DMD: variants seen among roughly 807,000 people sequenced by gnomAD.
The protein encoded by DMD is mutant dystrophin.
Under a neutral mutation model 330.1 loss-of-function variants are expected in DMD, and 63 were observed. The ratio of observed to expected loss-of-function variants is 0.19; its 90% confidence interval spans 0.16 to 0.24. The LOEUF (loss-of-function observed/expected upper bound fraction) is 0.24, where lower values mean the gene tolerates loss of function less well. DMD is among the 10% of genes least tolerant of loss of function. The pLI is 1.00. For missense variants in DMD, 3,344 were observed against 2,684.1 expected (o/e 1.25, Z -5.43); for synonymous variants, 1,223 against 959.8 (o/e 1.27, Z -5.07).
At chrX:32,573,361 GT>G (rs1431514139) in intron 15 of DMD, among the ~76,000 whole-genome samples, 168 bp downstream of exon 15, 1 of 111,466 alleles carries the variant, frequency 9.0e-6, no homozygotes, top group African/African-American at 3.3e-5. Context: ...TCCACCTATA[GT>G]TTTTTCCCAC....
At chrX:32,739,036 A>C (rs111428356) in intron 7 of DMD, among the ~76,000 whole-genome samples, 16,316 of 111,529 alleles carry the variant, frequency 0.15, 1,227 homozygotes, top group African/African-American at 0.28. Context: ...TAATGGTTAT[A>C]ATGGCTCAAA....
rs747495332 is a variant in DMD at position 31,715,252 on chromosome X, G to T, written c.7660+14379C>A. Among the ~76,000 whole-genome samples the T allele has an allele frequency of 4.9e-5, 5 of 101,154 alleles. No homozygotes were observed. In the South Asian group the frequency reaches 2.1e-3, roughly 43 times the overall value. 87.8% of individuals were successfully genotyped at this position (101,154 alleles called of 115,157 possible). On this transcript the variant is annotated intron_variant, in intron 52 of 78. Coordinates refer to ENST00000357033, the MANE Select transcript of DMD (RefSeq NM_004006.3). ...GGAGCTGCGAAACTGAACTTCTTAA[G>T]ATTAAGAGCTGGCCGGGCGCGGTGG... is the stretch of plus-strand genomic sequence containing the variant.
intron 17 of DMD, among the ~76,000 whole-genome samples, chrX:32,532,851 C>A (rs1039818485): frequency 3.6e-5 from 4 of 111,523 alleles, no homozygotes; most frequent in Non-Finnish European, 7.5e-5. Context: ...AACATATAAA[C>A]AAAAATCAAC....
intron 11 of DMD, among the ~76,000 whole-genome samples, chrX:32,628,500 G>A (rs183293819): frequency 2.8e-4 from 30 of 107,107 alleles, no homozygotes; most frequent in African/African-American, 9.5e-4. Context: ...GTATCATTTT[G>A]TTGTACTTTA....
chrX:31,382,299 A>C (rs988859592), intron 60 of DMD, among the ~76,000 whole-genome samples: 2 of 111,545 alleles, frequency 1.8e-5, no homozygotes, highest in Non-Finnish European at 3.8e-5. Context: ...CCTTTTTATT[A>C]GGCCCCAGTC....
At chrX:32,919,518 A>T (rs1487546930) in intron 2 of DMD, among the ~76,000 whole-genome samples, 1 of 111,838 alleles carries the variant, frequency 8.9e-6, no homozygotes, top group Non-Finnish European at 1.9e-5. Context: ...TAGCTCTTTT[A>T]TTTTTTATGT....
At position 32,468,570 on chromosome X, in the gene DMD, C is replaced by T. The variant is rs1482762343; in HGVS notation, c.3090G>A (p.Lys1030=). 1 of 1,209,025 alleles carries T rather than the reference C, an allele frequency of 8.3e-7. No homozygotes were observed. Residue 1030 remains lysine, a synonymous_variant, in exon 23 of 79, where the codon AAG becomes AAA. Coordinates refer to ENST00000357033, the MANE Select transcript of DMD (RefSeq NM_004006.3). ...SEFEEIEGRW[K]KLSSQLVEHC... ...GCTCAACCAGCTGGGAGGAGAGCTT[C>T]TTCCAGCGTCCCTCAATTTCTTCAA...
At chrX:31,276,267 C>G (rs747723710) in intron 62 of DMD, among the ~76,000 whole-genome samples, 2 of 111,539 alleles carry the variant, frequency 1.8e-5, no homozygotes, top group Non-Finnish European at 3.8e-5. Context: ...CCATGTTGGC[C>G]GGGCTGGTGT....
chrX:32,133,087 C>A (rs2096707366), intron 44 of DMD, among the ~76,000 whole-genome samples: 1 of 103,315 alleles, frequency 9.7e-6, no homozygotes, highest in Non-Finnish European at 1.9e-5. Context: ...TGGCTCACTG[C>A]AACCTCTGTC....
chrX:31,241,214 A>C (rs185297624), intron 63 of DMD, among the ~76,000 whole-genome samples: 1 of 111,661 alleles, frequency 9.0e-6, no homozygotes, highest in African/African-American at 3.3e-5. Flanking sequence ...CCTCTTCAAA[A>C]TGCCACTGTC....
At chrX:33,213,333 G>A (rs1251087683), upstream of DMD, among the ~76,000 whole-genome samples, 1 of 111,700 alleles carries the variant, frequency 9.0e-6, no homozygotes, top group East Asian at 2.8e-4. Flanking sequence ...GAATTTATTT[G>A]GCACCTATAA....
chrX:31,495,847 A>AT (rs1251816075), intron 57 of DMD, among the ~76,000 whole-genome samples: 2 of 111,934 alleles, frequency 1.8e-5, no homozygotes, highest in African/African-American at 6.5e-5. Flanking sequence ...ATGATGGAAG[A>AT]ATACACGAAC....
At chrX:31,225,791 C>T (rs1394037020) in intron 63 of DMD, among the ~76,000 whole-genome samples, 1 of 111,804 alleles carries the variant, frequency 8.9e-6, no homozygotes, top group African/African-American at 3.3e-5. Context: ...ACTTTGAGAA[C>T]CACTCTAATA....
At chrX:31,500,196 C>A (rs2070299017) in intron 56 of DMD, among the ~76,000 whole-genome samples, 1 of 111,908 alleles carries the variant, frequency 8.9e-6, no homozygotes, top group Non-Finnish European at 1.9e-5. Context: ...CAAATGTATT[C>A]AACCTAAAGC....
At chrX:32,524,078 G>A (rs1230117666) in intron 17 of DMD, among the ~76,000 whole-genome samples, 5 of 108,697 alleles carry the variant, frequency 4.6e-5, no homozygotes, top group East Asian at 2.9e-4. Flanking sequence ...GACCACAGGC[G>A]CCCGCCACCA....
intron 62 of DMD, among the ~76,000 whole-genome samples, chrX:31,321,583 CAA>C (rs1190446358): frequency 2.8e-3 from 29 of 10,468 alleles, no homozygotes; most frequent in African/African-American, 7.4e-3. Context: ...AACTCCATCT[CAA>C]AAAAAAAAAA....
intron 3 of DMD, among the ~76,000 whole-genome samples, chrX:32,845,626 C>A (rs1453840341): frequency 9.0e-6 from 1 of 111,335 alleles, no homozygotes; most frequent in Non-Finnish European, 1.9e-5. Context: ...TCAACAATGA[C>A]GTTCCTGAAG....
At chrX:32,706,386 TA>T (rs111363528) in intron 7 of DMD, among the ~76,000 whole-genome samples, 18,403 of 104,981 alleles carry the variant, frequency 0.18, 2,518 homozygotes, top group African/African-American at 0.46. Context: ...AGTATAATAA[TA>T]AAAAAAAAAT....
chrX:31,330,931 G>C, intron 61 of DMD, among the ~76,000 whole-genome samples: 1 of 111,851 alleles, frequency 8.9e-6, no homozygotes, highest in Non-Finnish European at 1.9e-5. Flanking sequence ...TTAAAATAAG[G>C]ATAGTGCTTT....
Sources: gnomAD v4.1 joint callset for allele counts (sites outside exome capture counted in the v4.1 genomes callset) on GRCh38, gnomAD v4.1.1 for gene constraint, MANE v1.5 for transcripts, NCBI Gene and HGNC (gene_info 2026-07-23, HGNC 2026-07-21) for gene names.